Variants in PLEKHM3 observed in about 807,000 individuals in gnomAD.
The protein encoded by PLEKHM3 is pleckstrin homology domain-containing family M member 3.
PLEKHM3 carries 45 observed loss-of-function variants against 81.8 expected under a neutral mutation model. The observed-to-expected ratio is 0.55, with a 90% confidence interval of 0.43 to 0.71. PLEKHM3 has a LOEUF of 0.71. PLEKHM3 is among the 30% of genes least tolerant of loss of function. The pLI is 0.00. For synonymous variants in PLEKHM3, 352 were observed against 356.4 expected (o/e 0.99, Z 0.14); for missense variants, 788 against 924.3 (o/e 0.85, Z 1.91).
intron 1 of PLEKHM3, among the ~76,000 whole-genome samples, chr2:208,004,463 G>C (rs1354937870): frequency 1.3e-5 from 2 of 152,060 alleles, no homozygotes; most frequent in African/African-American, 2.4e-5. Flanking sequence ...CATGCTGGTT[G>C]GTGGAATACT....
intron 1 of PLEKHM3, among the ~76,000 whole-genome samples, chr2:208,016,323 T>C (rs1692913048): frequency 6.6e-6 from 1 of 152,086 alleles, no homozygotes; most frequent in Non-Finnish European, 1.5e-5. Flanking sequence ...AGCCACAACC[T>C]TCAGTCTTGT....
chr2:207,836,057 G>C (rs556179182), intron 7 of PLEKHM3, among the ~76,000 whole-genome samples: 1 of 152,302 alleles, frequency 6.6e-6, no homozygotes, highest in African/African-American at 2.4e-5. Flanking sequence ...TTCTGTGGAT[G>C]CTCTTGTGAG....
intron 6 of PLEKHM3, chr2:207,901,421 A>G (rs1383028881): frequency 5.8e-6 from 4 of 692,794 alleles, no homozygotes; most frequent in Admixed American, 2.0e-5. Flanking sequence ...CCAGAAAACT[A>G]GTAGTTATGC....
chr2:207,908,712 C>G (rs1453487042), intron 5 of PLEKHM3, 135 bp from the exon 6 acceptor site: 16 of 664,696 alleles, frequency 2.4e-5, no homozygotes, highest in Non-Finnish European at 3.5e-5. Context: ...CCTAAGCCCT[C>G]TGAGGAACCT....
intron 3 of PLEKHM3, among the ~76,000 whole-genome samples, chr2:207,975,357 G>A (rs977196804): frequency 1.6e-4 from 25 of 152,092 alleles, no homozygotes; most frequent in African/African-American, 5.8e-4. Flanking sequence ...CAGGAGCAAG[G>A]ACAAAATTTT....
intron 7 of PLEKHM3, among the ~76,000 whole-genome samples, chr2:207,854,788 T>G (rs2092429481): frequency 6.6e-6 from 1 of 152,234 alleles, no homozygotes; most frequent in Non-Finnish European, 1.5e-5. Context: ...CCACAGTTTT[T>G]ACTACTGAGT....
At position 207,978,453 on chromosome 2, in the gene PLEKHM3, CT is replaced by C. The variant is rs1156696685; in HGVS notation, c.611-868del. On this transcript the variant is annotated intron_variant, in intron 2 of 7. Transcript: ENST00000427836. ...CACTGGACCTAACTCCCTGCTAATA[CT>C]TTTATCTTCCCTCAGGTTGGTAAAG... 2.0e-5 allele frequency among the ~76,000 whole-genome samples: 3 copies of C among 152,186 alleles called. No homozygotes were observed. The South Asian group carries it at 6.2e-4, about 32-fold the overall frequency.
chr2:207,980,289 G>A (rs556392332), intron 2 of PLEKHM3, among the ~76,000 whole-genome samples: 3 of 152,250 alleles, frequency 2.0e-5, no homozygotes, highest in Admixed American at 6.5e-5. Flanking sequence ...CAGCAAGCCT[G>A]GCTAAAACCT....
intron 4 of PLEKHM3, among the ~76,000 whole-genome samples, chr2:207,934,341 G>C (rs1689680366): frequency 6.6e-6 from 1 of 152,138 alleles, no homozygotes; most frequent in East Asian, 1.9e-4. Flanking sequence ...GCAGATGAAT[G>C]AGCTCAAATG....
chr2:207,947,596 C>A (rs770174319), intron 3 of PLEKHM3, among the ~76,000 whole-genome samples: 3 of 152,210 alleles, frequency 2.0e-5, no homozygotes, highest in African/African-American at 7.2e-5. Context: ...TTTTAGAAAT[C>A]CTTCCATGTG....
intron 4 of PLEKHM3, among the ~76,000 whole-genome samples, chr2:207,944,560 G>C (rs768306855): frequency 6.6e-6 from 1 of 152,138 alleles, no homozygotes; most frequent in African/African-American, 2.4e-5. Flanking sequence ...AGAAGATAAT[G>C]GCACTTCACA....
intron 1 of PLEKHM3, among the ~76,000 whole-genome samples, chr2:208,021,171 GT>G (rs1189403918): frequency 3.9e-5 from 6 of 152,308 alleles, no homozygotes; most frequent in African/African-American, 1.4e-4. Flanking sequence ...TAATGAAGAT[GT>G]TACTGGGCTA....
Position 207,828,302 on chromosome 2 carries a change from C to T in PLEKHM3, c.*17G>A, listed in dbSNP as rs774646697. The T allele has an allele frequency of 1.8e-5, 29 of 1,600,568 alleles. No homozygotes were observed. Among genetic ancestry groups the T allele is most frequent in the Non-Finnish European group, 2.4e-5 (28 of 1,172,228 alleles). ...GATTGTTGATTGGTGAATCCCTGGC[C>T]TTCGGGTCGGCTGGAGTCAGGTGTT... On this transcript the variant is annotated 3_prime_UTR_variant, in exon 8 of 8. Transcript: ENST00000427836.
chr2:207,898,516 G>A (rs1452313984), intron 6 of PLEKHM3, among the ~76,000 whole-genome samples: 2 of 152,220 alleles, frequency 1.3e-5, no homozygotes, highest in Non-Finnish European at 2.9e-5. Context: ...CACTTTGGAA[G>A]GCTGAGGCGG....
chr2:207,879,138 T>C (rs748501944), intron 6 of PLEKHM3, among the ~76,000 whole-genome samples: 7 of 152,206 alleles, frequency 4.6e-5, no homozygotes, highest in Non-Finnish European at 1.0e-4. Flanking sequence ...AAATGAGTAT[T>C]ATAATCATTT....
rs1348629120 is a variant in PLEKHM3 at position 207,827,528 on chromosome 2, G to C, written c.*791C>G. On this transcript the variant is annotated 3_prime_UTR_variant, in exon 8 of 8. Transcript: ENST00000427836. Reference sequence around the variant, plus strand: ...GCCATGTGTACAGCCTGGAAAACACGGTGGAGCGTCACATCATTAGGTGGG... The same window carrying C: ...GCCATGTGTACAGCCTGGAAAACACCGTGGAGCGTCACATCATTAGGTGGG... 4 of 152,176 alleles carry C rather than the reference G, an allele frequency of 2.6e-5. No homozygotes were observed. The highest frequency in any genetic ancestry group is 5.9e-5 in the Non-Finnish European group (4 of 68,036). The allele number at this position is 152,176 out of a possible 1,614,324, so 9.4% of individuals were successfully genotyped here.
chr2:207,859,948 T>C (rs2092458102), intron 7 of PLEKHM3, among the ~76,000 whole-genome samples: 1 of 152,216 alleles, frequency 6.6e-6, no homozygotes, highest in Admixed American at 6.5e-5. Flanking sequence ...GCTAAGTTAC[T>C]GTTCAGCAGT....
At chr2:207,831,947 ACCTAGGGATGTTGC>A (rs1346205311) in intron 7 of PLEKHM3, among the ~76,000 whole-genome samples, 4 of 152,162 alleles carry the variant, frequency 2.6e-5, no homozygotes, top group Admixed American at 1.3e-4. Flanking sequence ...TGATTTATAC[ACCTAGGGATGTTGC>A]CCCAGGGCAG....
chr2:207,981,367 AG>A (rs1480057123), intron 2 of PLEKHM3, among the ~76,000 whole-genome samples: 5 of 152,152 alleles, frequency 3.3e-5, no homozygotes. Flanking sequence ...TATTTGAGAC[AG>A]GGTCTTGCAC....
Sources: allele counts gnomAD v4.1 joint callset (sites outside exome capture counted in the v4.1 genomes callset), GRCh38; gene constraint gnomAD v4.1.1; transcripts MANE v1.5; gene names NCBI Gene and HGNC (gene_info 2026-07-23, HGNC 2026-07-21).